Variants in ACOXL observed in about 807,000 individuals in gnomAD.
The protein encoded by ACOXL is acyl-CoA oxidase like, also known as acyl-coenzyme A oxidase-like protein.
In ACOXL, 70 loss-of-function variants were observed where a neutral mutation model predicts 71.9. That is an observed-to-expected ratio of 0.97 (90% CI 0.80 to 1.19). The LOEUF (loss-of-function observed/expected upper bound fraction) is 1.19, where lower values mean the gene tolerates loss of function less well. ACOXL is among the 50% of genes most tolerant of loss of function. ACOXL has a pLI of 0.00. For synonymous variants in ACOXL, 253 were observed against 281.6 expected, an observed-to-expected ratio of 0.90 and a Z score of 1.02; for missense variants, 703 against 736.3, an observed-to-expected ratio of 0.95 and a Z score of 0.52.
intron 12 of ACOXL, chr2:110,968,577 A>G: frequency 1.1e-6 from 1 of 948,502 alleles, no homozygotes; most frequent in Non-Finnish European, 1.6e-6. Flanking sequence ...CTGCTTATAC[A>G]TCAAGTCTAT....
At chr2:111,045,177 G>A (rs987141491) in intron 15 of ACOXL, among the ~76,000 whole-genome samples, 30 of 152,322 alleles carry the variant, frequency 2.0e-4, no homozygotes, top group African/African-American at 7.2e-4. Flanking sequence ...TTTGCATTTT[G>A]TTGGCACTAG....
chr2:111,045,092 C>T (rs1035865084), intron 15 of ACOXL, among the ~76,000 whole-genome samples: 12 of 152,140 alleles, frequency 7.9e-5, no homozygotes, highest in African/African-American at 2.7e-4. Context: ...GACACTTAGG[C>T]GCAGTTGAGA....
chr2:111,085,878 G>A (rs1345590881), intron 16 of ACOXL, among the ~76,000 whole-genome samples: 1 of 151,936 alleles, frequency 6.6e-6, no homozygotes, highest in Non-Finnish European at 1.5e-5. Flanking sequence ...AATGACAAAG[G>A]GGATGTTACC....
intron 1 of ACOXL, among the ~76,000 whole-genome samples, chr2:110,767,645 C>T (rs927157351): frequency 5.3e-5 from 8 of 152,158 alleles, no homozygotes; most frequent in African/African-American, 1.9e-4. Context: ...TCGAAGGCAA[C>T]CCTGAGTGGC....
intron 12 of ACOXL, among the ~76,000 whole-genome samples, chr2:110,977,789 T>C (rs1016552913): frequency 6.6e-6 from 1 of 152,212 alleles, no homozygotes; most frequent in African/African-American, 2.4e-5. Flanking sequence ...GTTTTTCAAA[T>C]TGGGGACTAT....
chr2:110,802,932 AC>A (rs1405542910), intron 8 of ACOXL, among the ~76,000 whole-genome samples: 5 of 152,220 alleles, frequency 3.3e-5, no homozygotes, highest in Non-Finnish European at 5.9e-5. Context: ...TATGCCAATT[AC>A]CCTGATTTTA....
intron 17 of ACOXL, among the ~76,000 whole-genome samples, chr2:111,106,712 C>T (rs367860690): frequency 6.6e-5 from 10 of 152,222 alleles, no homozygotes; most frequent in South Asian, 2.1e-4. Context: ...GGGGGTGCAT[C>T]GCCTCATTAC....
intron 12 of ACOXL, among the ~76,000 whole-genome samples, chr2:110,957,519 AG>A (rs1029419021): frequency 6.6e-6 from 1 of 152,192 alleles, no homozygotes; most frequent in Non-Finnish European, 1.5e-5. Context: ...TCTGGGACCC[AG>A]GTGTGGGCAG....
chr2:110,931,465 G>C (rs2060476288), intron 11 of ACOXL, among the ~76,000 whole-genome samples: 1 of 152,128 alleles, frequency 6.6e-6, no homozygotes, highest in Admixed American at 6.5e-5. Context: ...ACAGCCCGGA[G>C]CATGGGTGAT....
intron 3 of ACOXL, among the ~76,000 whole-genome samples, chr2:110,789,658 A>G (rs553087710): frequency 1.3e-5 from 2 of 152,230 alleles, no homozygotes; most frequent in Admixed American, 1.3e-4. Context: ...AACTTTGATC[A>G]TTGCCCAAAG....
At chr2:111,000,831 C>G (rs1371650661) in intron 14 of ACOXL, among the ~76,000 whole-genome samples, 2 of 152,176 alleles carry the variant, frequency 1.3e-5, no homozygotes, top group Non-Finnish European at 2.9e-5. Flanking sequence ...ACTTGATTAG[C>G]TCTGCAAAGA....
intron 9 of ACOXL, among the ~76,000 whole-genome samples, chr2:110,809,364 G>T (rs375182642): frequency 5.8e-4 from 89 of 152,302 alleles, no homozygotes; most frequent in African/African-American, 2.1e-3. Context: ...GCTGAGCTGC[G>T]GGGCTGCATG....
chr2:110,797,545 A>G (rs1011802597), intron 5 of ACOXL, among the ~76,000 whole-genome samples: 2 of 152,194 alleles, frequency 1.3e-5, no homozygotes, highest in African/African-American at 2.4e-5. Flanking sequence ...ATGGCTGTCT[A>G]TCAGTCTTGC....
chr2:110,942,886 A>T (rs907631416), intron 12 of ACOXL, among the ~76,000 whole-genome samples: 9 of 151,032 alleles, frequency 6.0e-5, no homozygotes, highest in African/African-American at 2.0e-4. Context: ...CCTGAAAAAA[A>T]AAGGAAGGCA....
At chr2:110,787,821 C>T (rs1298525173) in intron 3 of ACOXL, among the ~76,000 whole-genome samples, 3 of 152,202 alleles carry the variant, frequency 2.0e-5, no homozygotes, top group Non-Finnish European at 4.4e-5. Context: ...GCTAACGTGT[C>T]CTTCCCGCAG....
chr2:110,988,779 G>A (rs1431557133), intron 13 of ACOXL, among the ~76,000 whole-genome samples: 1 of 151,882 alleles, frequency 6.6e-6, no homozygotes, highest in African/African-American at 2.4e-5. Context: ...TTAAGGATGA[G>A]CATGATTTCA....
intron 2 of ACOXL, among the ~76,000 whole-genome samples, chr2:110,774,493 C>T (rs1682390948): frequency 6.6e-6 from 1 of 152,084 alleles, no homozygotes; most frequent in African/African-American, 2.4e-5. Context: ...GGATAAAAAT[C>T]AACATGTAGA....
At chr2:110,935,087 A>G (rs2060612261) in intron 12 of ACOXL, among the ~76,000 whole-genome samples, 1 of 151,910 alleles carries the variant, frequency 6.6e-6, no homozygotes, top group South Asian at 2.1e-4. Flanking sequence ...GGGGTAGAGT[A>G]AGGAGGTTAG....
intron 11 of ACOXL, among the ~76,000 whole-genome samples, chr2:110,919,364 C>T (rs959810585): frequency 7.3e-6 from 1 of 136,730 alleles, no homozygotes; most frequent in African/African-American, 2.8e-5. Context: ...AATGAGAACA[C>T]ATGGACACAG....
Sources: gnomAD v4.1 joint callset for allele counts (sites outside exome capture counted in the v4.1 genomes callset) on GRCh38, gnomAD v4.1.1 for gene constraint, MANE v1.5 for transcripts, NCBI Gene and HGNC (gene_info 2026-07-23, HGNC 2026-07-21) for gene names.